Variants in ADCY2 observed in about 807,000 individuals in gnomAD.
ADCY2 encodes adenylate cyclase 2.
Under a neutral mutation model 125.2 loss-of-function variants are expected in ADCY2, and 31 were observed. That is an observed-to-expected ratio of 0.25 (90% CI 0.19 to 0.33). The LOEUF (loss-of-function observed/expected upper bound fraction) is 0.33. Among genes scored for constraint, ADCY2 ranks in the 10% least tolerant of loss-of-function variants. ADCY2 has a pLI of 1.00. For missense variants in ADCY2, 904 were observed against 1,418.2 expected, an observed-to-expected ratio of 0.64 and a Z score of 5.82; for synonymous variants, 512 against 548.4, an observed-to-expected ratio of 0.93 and a Z score of 0.93.
intron 3 of ADCY2, among the ~76,000 whole-genome samples, chr5:7,621,726 A>G (rs1355372390): frequency 6.6e-6 from 1 of 152,222 alleles, no homozygotes; most frequent in East Asian, 1.9e-4. Flanking sequence ...ATAATTTGCT[A>G]GTAGATACCA....
chr5:7,515,047 T>G (rs1208371271), intron 2 of ADCY2, among the ~76,000 whole-genome samples: 1 of 152,234 alleles, frequency 6.6e-6, no homozygotes, highest in Non-Finnish European at 1.5e-5. Flanking sequence ...CAGCTCGTCT[T>G]CCAAGTCCTA....
At chr5:7,502,818 T>C (rs770925235) in intron 2 of ADCY2, among the ~76,000 whole-genome samples, 15 of 152,194 alleles carry the variant, frequency 9.9e-5, no homozygotes, top group Non-Finnish European at 1.0e-4. Flanking sequence ...CCCAGTGTCC[T>C]TGGATGTCAG....
intron 3 of ADCY2, among the ~76,000 whole-genome samples, chr5:7,596,483 A>T (rs1001144515): frequency 6.6e-6 from 1 of 152,174 alleles, no homozygotes; most frequent in African/African-American, 2.4e-5. Flanking sequence ...AAATACCTAA[A>T]ATGACAACAA....
intron 2 of ADCY2, among the ~76,000 whole-genome samples, chr5:7,481,516 C>G (rs2126473503): frequency 6.6e-6 from 1 of 152,258 alleles, no homozygotes; most frequent in Middle Eastern, 3.4e-3. Context: ...ATCCGCTTGC[C>G]TCGGCCTCCC....
intron 2 of ADCY2, among the ~76,000 whole-genome samples, chr5:7,508,211 A>T (rs577963512): frequency 1.3e-5 from 2 of 152,324 alleles, no homozygotes; most frequent in African/African-American, 4.8e-5. Context: ...AGTCACGAGC[A>T]TAATTACCAA....
chr5:7,523,982 C>T (rs941073261), intron 3 of ADCY2, among the ~76,000 whole-genome samples: 3 of 152,146 alleles, frequency 2.0e-5, no homozygotes, highest in Non-Finnish European at 2.9e-5. Context: ...ACTTATAGCA[C>T]GTAGAACTTA....
At chr5:7,748,783 T>C (rs534231314) in intron 15 of ADCY2, among the ~76,000 whole-genome samples, 1 of 152,336 alleles carries the variant, frequency 6.6e-6, no homozygotes, top group South Asian at 2.1e-4. Flanking sequence ...ATATTAAAAA[T>C]ACCTACTTAC....
chr5:7,518,409 C>T (rs1031802384), intron 2 of ADCY2, among the ~76,000 whole-genome samples: 1 of 152,120 alleles, frequency 6.6e-6, no homozygotes, highest in Non-Finnish European at 1.5e-5. Context: ...TATACATAAA[C>T]GGTCTAAGAC....
rs779534602 is a variant in ADCY2, at chr5:7,706,748, G to T, written c.1114G>T (p.Val372Leu). ...GLDMCEAIKK[V>L]RDATGVDINM... ...TCTTACTTCCCTTCTCTTTAGGAAAGTGAGGGATGCTACTGGAGTTGATAT... is the reference window on the plus strand; with the variant it reads ...TCTTACTTCCCTTCTCTTTAGGAAATTGAGGGATGCTACTGGAGTTGATAT... The change falls in exon 8 of 25, where the codon GTG (valine) becomes TTG (leucine). Residue 372 changes from valine (V) to leucine (L), a missense_variant. Val to Leu is a conservative substitution (Grantham distance 32). Transcript: ENST00000338316. 2.5e-6 allele frequency: 4 copies of T among 1,614,154 alleles called. No homozygotes were observed. In the South Asian group the frequency reaches 4.4e-5, roughly 18 times the overall value.
chr5:7,665,247 T>C (rs1407757254), intron 4 of ADCY2, among the ~76,000 whole-genome samples: 1 of 152,198 alleles, frequency 6.6e-6, no homozygotes, highest in Non-Finnish European at 1.5e-5. Flanking sequence ...TTCCCTTCTT[T>C]GGCTGCATTT....
chr5:7,558,130 G>A (rs1735591205), intron 3 of ADCY2, among the ~76,000 whole-genome samples: 1 of 151,426 alleles, frequency 6.6e-6, no homozygotes. Context: ...TCGGCTCACT[G>A]CAACCCCTGC....
chr5:7,567,357 G>A (rs551882141), intron 3 of ADCY2, among the ~76,000 whole-genome samples: 2 of 151,642 alleles, frequency 1.3e-5, no homozygotes, highest in African/African-American at 4.8e-5. Flanking sequence ...ATGGATTTTA[G>A]CATTTGCTTA....
chr5:7,631,248 A>G (rs1374088036), intron 4 of ADCY2, among the ~76,000 whole-genome samples: 1 of 152,138 alleles, frequency 6.6e-6, no homozygotes, highest in African/African-American at 2.4e-5. Flanking sequence ...CACATCCACA[A>G]AATCCCTGGT....
At chr5:7,500,635 A>T (rs1743526556) in intron 2 of ADCY2, among the ~76,000 whole-genome samples, 1 of 152,230 alleles carries the variant, frequency 6.6e-6, no homozygotes. Flanking sequence ...AAAATACCTT[A>T]TTAGTGTTCT....
chr5:7,521,022 C>G, intron 3 of ADCY2, 123 bp downstream of exon 3: 1 of 1,195,114 alleles, frequency 8.4e-7, no homozygotes, highest in Non-Finnish European at 1.2e-6. Context: ...CTTTCTGCCC[C>G]TTGAGACTGA....
chr5:7,414,509 T>G, intron 1 of ADCY2, 64 bp from the exon 2 acceptor site: 1 of 1,369,908 alleles, frequency 7.3e-7, no homozygotes, highest in South Asian at 1.5e-5. Context: ...TTTAACAACA[T>G]AAATCATTGG....
At position 7,635,456 on chromosome 5, in the gene ADCY2, C is replaced by T. The variant is rs542470274; in HGVS notation, c.720+9140C>T. On this transcript the variant is annotated intron_variant, in intron 4 of 24. Coordinates refer to ENST00000338316, the MANE Select transcript of ADCY2 (RefSeq NM_020546.3). Reference sequence around the variant, plus strand: ...AAAATAAAATAATGAAGAGAACTTTCTGGGGTTTGAGCTTGAGCAACTGGA... The same window carrying T: ...AAAATAAAATAATGAAGAGAACTTTTTGGGGTTTGAGCTTGAGCAACTGGA... Among the ~76,000 whole-genome samples, 137 of 152,210 alleles carry T rather than the reference C, an allele frequency of 9.0e-4. 6 individuals are homozygous for T. The South Asian group carries it at 0.026, about 29-fold the overall frequency.
chr5:7,811,449 C>T lies in ADCY2; in HGVS notation c.2884-5417C>T, dbSNP rs187570139. On this transcript the variant is annotated intron_variant, in intron 22 of 24. Transcript: ENST00000338316. ...CCGGGAGGCGGAGCTTGCAGTAAGT[C>T]GAGATTCCGCCACTGCACTCCAGCC... 1.2e-3 allele frequency among the ~76,000 whole-genome samples: 185 copies of T among 150,582 alleles called. 1 individual carries two copies. The highest frequency in any genetic ancestry group is 4.4e-3 in the African/African-American group (180 of 40,546).
At chr5:7,477,207 A>G (rs113842657) in intron 2 of ADCY2, among the ~76,000 whole-genome samples, 4 of 136,748 alleles carry the variant, frequency 2.9e-5, no homozygotes, top group South Asian at 4.7e-4. Flanking sequence ...TGTTTTTTTT[A>G]AAAGAGACCC....
Sources: gnomAD v4.1 joint callset for allele counts (sites outside exome capture counted in the v4.1 genomes callset) on GRCh38, gnomAD v4.1.1 for gene constraint, MANE v1.5 for transcripts, NCBI Gene and HGNC (gene_info 2026-07-23, HGNC 2026-07-21) for gene names.